ITGA8: variants seen among roughly 807,000 people sequenced by gnomAD.
The protein encoded by ITGA8 is integrin subunit alpha 8.
ITGA8 carries 91 observed loss-of-function variants against 142.3 expected under a neutral mutation model. The observed-to-expected ratio is 0.64, with a 90% confidence interval of 0.54 to 0.76. The LOEUF is 0.76. Ranked by LOEUF, ITGA8 falls within the 30% of genes least tolerant of loss-of-function variation. ITGA8 has a pLI of 0.00. For synonymous variants in ITGA8, 505 were observed against 485.2 expected (o/e 1.04, Z -0.54); for missense variants, 1,406 against 1,327.7 (o/e 1.06, Z -0.92).
At chr10:15,599,687 G>A (rs745814546) in intron 20 of ITGA8, among the ~76,000 whole-genome samples, 1 of 146,590 alleles carries the variant, frequency 6.8e-6, no homozygotes, top group Non-Finnish European at 1.5e-5. Flanking sequence ...TTGGGAGGCC[G>A]AGGCAGGTGG....
rs115137248 is a variant in ITGA8, at chr10:15,704,017, T to C, written c.343+14749A>G. Among the ~76,000 whole-genome samples the C allele has an allele frequency of 7.1e-3, 1,084 of 152,342 alleles. 12 individuals carry two copies. Among genetic ancestry groups the C allele is most frequent in the African/African-American group, 0.024 (1,018 of 41,578 alleles). ...ATCAGAGGATGTCTGTCTTGCTCAC[T>C]ATTTTTACCTAATATAATGGTAACC... On this transcript the variant is annotated intron_variant, in intron 2 of 29. Coordinates refer to ENST00000378076, the MANE Select transcript of ITGA8 (RefSeq NM_003638.3).
intron 20 of ITGA8, among the ~76,000 whole-genome samples, chr10:15,601,863 A>G (rs1833110116): frequency 6.6e-6 from 1 of 152,254 alleles, no homozygotes; most frequent in Non-Finnish European, 1.5e-5. Context: ...ATCAAAAGGT[A>G]CACAAACCTC....
chr10:15,545,529 G>T (rs564190790), intron 27 of ITGA8, among the ~76,000 whole-genome samples: 1 of 152,080 alleles, frequency 6.6e-6, no homozygotes, highest in Non-Finnish European at 1.5e-5. Context: ...CATGCCTACC[G>T]CTGACTTTAA....
Position 15,558,096 on chromosome 10 carries a change from C to A in ITGA8, c.2744G>T (p.Arg915Ile), listed in dbSNP as rs1192284368. 2 of 1,614,136 alleles carry A rather than the reference C, an allele frequency of 1.2e-6. No individual in the cohort carries two copies. The highest frequency in any genetic ancestry group is 1.7e-6 in the Non-Finnish European group (2 of 1,180,044). ...CACCAGTATTTTTGCAGGGCTCTGT[C>A]TGTGGAATTCGACCACATGTACATC... ...KRDVHVVEFH[R>I]QSPAKILNCT... The change falls in exon 26 of 30, where the codon AGA becomes ATA. Residue 915 changes from arginine to isoleucine, a missense_variant. Physicochemically the swap from Arg to Ile is moderately conservative, Grantham distance 97 (BLOSUM62 -3). Transcript: ENST00000378076.
At chr10:15,600,641 G>T (rs1833088735) in intron 20 of ITGA8, among the ~76,000 whole-genome samples, 1 of 152,214 alleles carries the variant, frequency 6.6e-6, no homozygotes, top group Non-Finnish European at 1.5e-5. Flanking sequence ...ACGCAATGGG[G>T]AGCTAGTGAG....
rs146740446 is a variant in ITGA8, at chr10:15,616,524, C to A, written c.1435G>T (p.Ala479Ser). The A allele has an allele frequency of 6.2e-7, 1 of 1,610,692 alleles. No individual in the cohort carries two copies. Among genetic ancestry groups the A allele is most frequent in the South Asian group, 1.1e-5 (1 of 91,040 alleles). ...CTACCAACCACATACCTGTAAACAGCGACTTTTCCTGTTCCAAATGCACCC... is the reference window on the plus strand; with the variant it reads ...CTACCAACCACATACCTGTAAACAGAGACTTTTCCTGTTCCAAATGCACCC... ...IVGAFGTGKV[A>S]VYRARPVVTV... is the part of the protein sequence containing the mutation. Residue 479 changes from alanine to serine, a missense_variant, in exon 14 of 30, where the codon GCT (alanine) becomes TCT (serine). Coordinates refer to ENST00000378076, the MANE Select transcript of ITGA8 (RefSeq NM_003638.3).
At chr10:15,703,613 A>G (rs577427158) in intron 2 of ITGA8, among the ~76,000 whole-genome samples, 1 of 152,352 alleles carries the variant, frequency 6.6e-6, no homozygotes, top group East Asian at 1.9e-4. Context: ...AGTATGATGC[A>G]ACAGTGTGAC....
At chr10:15,618,606 A>C (rs1588678773) in intron 13 of ITGA8, among the ~76,000 whole-genome samples, 1 of 152,120 alleles carries the variant, frequency 6.6e-6, no homozygotes, top group Non-Finnish European at 1.5e-5. Context: ...AGGCCGACCC[A>C]CCCTGAATCT....
chr10:15,675,519 A>T (rs1834611317), intron 6 of ITGA8, among the ~76,000 whole-genome samples: 1 of 152,236 alleles, frequency 6.6e-6, no homozygotes, highest in Non-Finnish European at 1.5e-5. Flanking sequence ...ACTTTACCTG[A>T]AACTTATACA....
At chr10:15,706,812 C>T (rs1835267125) in intron 2 of ITGA8, among the ~76,000 whole-genome samples, 1 of 152,170 alleles carries the variant, frequency 6.6e-6, no homozygotes, top group African/African-American at 2.4e-5. Flanking sequence ...TGGCTACCCA[C>T]CACTCTTAGA....
chr10:15,578,098 C>G (rs1039084252), intron 23 of ITGA8, among the ~76,000 whole-genome samples: 2 of 152,020 alleles, frequency 1.3e-5, no homozygotes, highest in African/African-American at 4.8e-5. Flanking sequence ...ATATCAAAAC[C>G]AGAATATTGT....
chr10:15,547,588 C>CA (rs995180561), intron 27 of ITGA8, among the ~76,000 whole-genome samples: 1 of 151,742 alleles, frequency 6.6e-6, no homozygotes, highest in Non-Finnish European at 1.5e-5. Context: ...GCAACAACAA[C>CA]AAAAAAAAGT....
intron 28 of ITGA8, among the ~76,000 whole-genome samples, chr10:15,524,105 T>A (rs1352074865): frequency 2.0e-5 from 3 of 152,222 alleles, no homozygotes; most frequent in Non-Finnish European, 4.4e-5. Context: ...ATGCCTGCTT[T>A]CTGCTTTCCT....
chr10:15,560,255 G>A (rs1208797019), intron 25 of ITGA8, among the ~76,000 whole-genome samples: 1 of 152,048 alleles, frequency 6.6e-6, no homozygotes, highest in East Asian at 1.9e-4. Flanking sequence ...TTCTCAGCCT[G>A]GGCAACAGAG....
At chr10:15,654,844 T>A (rs1229209744) in intron 11 of ITGA8, among the ~76,000 whole-genome samples, 1 of 152,254 alleles carries the variant, frequency 6.6e-6, no homozygotes, top group Admixed American at 6.5e-5. Context: ...TCATAATTTA[T>A]TTTTGAAGTA....
chr10:15,629,077 C>G (rs1346318550), intron 13 of ITGA8, among the ~76,000 whole-genome samples: 3 of 151,832 alleles, frequency 2.0e-5, no homozygotes, highest in East Asian at 1.9e-4. Flanking sequence ...TTCCATCACA[C>G]TGCCTACTCG....
intron 22 of ITGA8, among the ~76,000 whole-genome samples, chr10:15,586,866 C>CA (rs1832841316): frequency 6.6e-6 from 1 of 151,938 alleles, no homozygotes; most frequent in South Asian, 2.1e-4. Context: ...AGTAATGTAA[C>CA]AACTGTCTAT....
chr10:15,575,507 C>T lies in ITGA8; in HGVS notation c.2460G>A (p.Leu820=). 1 of 1,613,526 alleles carries T rather than the reference C, an allele frequency of 6.2e-7. No individual in the cohort carries two copies. The highest frequency in any genetic ancestry group is 8.5e-7 in the Non-Finnish European group (1 of 1,179,496). ...TGGCTACCTCATAAATATGTTCCAC[C>T]AATGGTCCAACCTCCTCCTCTTTGT... ...EPHKEEEVGP[L]VEHIYELHNI... Residue 820 remains leucine (L), a synonymous_variant, in exon 24 of 30, where the codon TTG becomes TTA. Transcript: ENST00000378076.
intron 25 of ITGA8, among the ~76,000 whole-genome samples, chr10:15,562,235 C>A (rs904590972): frequency 1.3e-5 from 2 of 152,206 alleles, no homozygotes; most frequent in South Asian, 2.1e-4. Flanking sequence ...GTAGGAAGGA[C>A]AGAGAGAGTG....
Sources: gnomAD v4.1 joint callset for allele counts (sites outside exome capture counted in the v4.1 genomes callset) on GRCh38, gnomAD v4.1.1 for gene constraint, MANE v1.5 for transcripts, NCBI Gene and HGNC (gene_info 2026-07-23, HGNC 2026-07-21) for gene names.